BMPR2: variants seen among roughly 807,000 people sequenced by gnomAD.
The protein encoded by BMPR2 is bone morphogenetic protein receptor type-2.
Under a neutral mutation model 100.8 loss-of-function variants are expected in BMPR2, and 29 were observed. The ratio of observed to expected loss-of-function variants is 0.29; its 90% CI spans 0.21 to 0.39. The LOEUF is 0.39. Among genes scored for constraint, BMPR2 ranks in the 10% least tolerant of loss-of-function variants. The pLI is 1.00. For missense variants in BMPR2, 1,011 were observed against 1,274.5 expected (o/e 0.79, Z 3.15); for synonymous variants, 382 against 442.3 (o/e 0.86, Z 1.71).
At chr2:202,443,352 G>A (rs1009632951) in intron 1 of BMPR2, among the ~76,000 whole-genome samples, 2 of 150,724 alleles carry the variant, frequency 1.3e-5, no homozygotes, top group African/African-American at 5.0e-5. Flanking sequence ...AGAACATGTA[G>A]TAGTTCTATT....
chr2:202,392,844 T>C (rs1690577094), intron 1 of BMPR2, among the ~76,000 whole-genome samples: 1 of 151,894 alleles, frequency 6.6e-6, no homozygotes, highest in African/African-American at 2.4e-5. Flanking sequence ...AATACAAAAT[T>C]AGCCGGGCGT....
chr2:202,507,286 T>A (rs1335366228), intron 3 of BMPR2, among the ~76,000 whole-genome samples: 2 of 152,124 alleles, frequency 1.3e-5, no homozygotes, highest in African/African-American at 4.8e-5. Flanking sequence ...AGGTTATGAT[T>A]TTTAGGTTTT....
intron 6 of BMPR2, among the ~76,000 whole-genome samples, chr2:202,519,369 TA>T (rs1027832185): frequency 1.3e-5 from 2 of 151,032 alleles, no homozygotes; most frequent in East Asian, 3.9e-4. Flanking sequence ...TCTCAAAAAA[TA>T]AAAAAAAATA....
At chr2:202,534,926 A>C (rs1280261144) in intron 9 of BMPR2, among the ~76,000 whole-genome samples, 34 of 114,516 alleles carry the variant, frequency 3.0e-4, no homozygotes, top group Non-Finnish European at 4.9e-4. Context: ...TCCCTCCCGG[A>C]CGGGGCGGCT....
In BMPR2 at chr2:202,552,742, C is replaced by A. The variant is rs780256953; in HGVS notation, c.1440C>A (p.Ile480=). The stretch of plus-strand genomic sequence containing the variant: ...CAGTGAGGTCACTCAAGGAGACAAT[C>A]GAAGACTGTTGGGACCAGGATGCAG... The part of the protein sequence containing the change: ...SLAVRSLKET[I]EDCWDQDAEA... The change falls in exon 11 of 13, where the codon ATC becomes ATA. Residue 480 remains isoleucine, a synonymous_variant. Coordinates refer to ENST00000374580, the MANE Select transcript of BMPR2 (RefSeq NM_001204.7). 4 of 1,613,992 alleles carry A rather than the reference C, an allele frequency of 2.5e-6. No homozygotes were observed. Among genetic ancestry groups the A allele is most frequent in the South Asian group, 2.2e-5 (2 of 91,066 alleles).
In BMPR2 at chr2:202,530,807, T is replaced by C. The variant is rs149225691; in HGVS notation, c.981T>C (p.Pro327=). Residue 327 remains proline (P), a synonymous_variant, in exon 8 of 13, where the codon CCT becomes CCC. Coordinates refer to ENST00000374580, the MANE Select transcript of BMPR2 (RefSeq NM_001204.7). ...TELPRGDHYK[P]AISHRDLNSR... Reference sequence around the variant, plus strand: ...TTATCCAAACAGATCATTATAAACCTGCAATTTCCCATCGAGATTTAAACA... The same window carrying C: ...TTATCCAAACAGATCATTATAAACCCGCAATTTCCCATCGAGATTTAAACA... 8.9e-5 allele frequency: 143 copies of C among 1,612,338 alleles called. No homozygotes were observed. Among genetic ancestry groups the C allele is most frequent in the Middle Eastern group, 8.2e-4 (5 of 6,080 alleles).
rs1237754312 is a variant in BMPR2, at chr2:202,565,877, A to T, written c.*5931A>T. Reference sequence around the variant, plus strand: ...AACCTAGAAATTTATCTCATGGCAGATACATTTGAAAGTACTTCAGAAGAA... The same window carrying T: ...AACCTAGAAATTTATCTCATGGCAGTTACATTTGAAAGTACTTCAGAAGAA... On this transcript the variant is annotated 3_prime_UTR_variant, in exon 13 of 13. Transcript: ENST00000374580. 2.0e-5 allele frequency: 3 copies of T among 152,208 alleles called. No individual in the cohort carries two copies. Among genetic ancestry groups the T allele is most frequent in the Admixed American group, 6.5e-5 (1 of 15,284 alleles). 9.4% of individuals were successfully genotyped at this position (152,208 alleles called of 1,614,324 possible).
intron 1 of BMPR2, among the ~76,000 whole-genome samples, chr2:202,442,524 G>C (rs970857708): frequency 2.0e-5 from 3 of 150,110 alleles, no homozygotes; most frequent in Non-Finnish European, 4.4e-5. Context: ...CATGCACATT[G>C]TTATGCAACA....
chr2:202,471,919 T>A (rs1692446641), intron 3 of BMPR2, among the ~76,000 whole-genome samples: 1 of 151,496 alleles, frequency 6.6e-6, no homozygotes, highest in Admixed American at 6.6e-5. Context: ...AGATTGTGTG[T>A]GTGTGTGTGT....
At chr2:202,525,256 G>A (rs1687888666) in intron 7 of BMPR2, among the ~76,000 whole-genome samples, 1 of 151,944 alleles carries the variant, frequency 6.6e-6, no homozygotes, top group Non-Finnish European at 1.5e-5. Context: ...CTGTTCCCCA[G>A]GCTGGAGTGC....
intron 1 of BMPR2, among the ~76,000 whole-genome samples, chr2:202,459,721 A>T (rs1692188922): frequency 6.6e-6 from 1 of 152,242 alleles, no homozygotes; most frequent in Non-Finnish European, 1.5e-5. Flanking sequence ...TGCCAAAAGC[A>T]ATTGCAACAA....
intron 9 of BMPR2, among the ~76,000 whole-genome samples, chr2:202,537,272 T>C (rs147921489): frequency 6.6e-6 from 1 of 152,322 alleles, no homozygotes; most frequent in Admixed American, 6.5e-5. Flanking sequence ...AGGATTTTTG[T>C]TTTAGAAGCA....
chr2:202,509,484 T>TAA (rs1418863604), intron 3 of BMPR2, among the ~76,000 whole-genome samples: 1 of 151,886 alleles, frequency 6.6e-6, no homozygotes, highest in African/African-American at 2.4e-5. Flanking sequence ...AAAAGCTTGA[T>TAA]AAAATACACA....
At chr2:202,545,255 G>A (rs1276541427) in intron 10 of BMPR2, among the ~76,000 whole-genome samples, 1 of 4,112 alleles carries the variant, frequency 2.4e-4, no homozygotes, top group Non-Finnish European at 5.1e-4. Context: ...CATTTTTCAA[G>A]ATTTACTCAG....
At chr2:202,530,017 G>A (rs1416043532) in intron 7 of BMPR2, among the ~76,000 whole-genome samples, 1 of 152,066 alleles carries the variant, frequency 6.6e-6, no homozygotes, top group Non-Finnish European at 1.5e-5. Flanking sequence ...CTTATATTTG[G>A]TGAGAGGCTT....
chr2:202,532,951 TTTAA>T lies in BMPR2; in HGVS notation c.1276+226_1276+229del, dbSNP rs1688056019. Among the ~76,000 whole-genome samples, 1 of 152,268 alleles carries T rather than the reference TTTAA, an allele frequency of 6.6e-6. No individual in the cohort carries two copies. Among genetic ancestry groups the T allele is most frequent in the African/African-American group, 2.4e-5 (1 of 41,542 alleles). Reference sequence around the variant, plus strand: ...ACTCCAGGTTTTCATCTGAGTGAAATTTAATTAATTGCCAGTAATAGCTTATCTA... The same window carrying T: ...ACTCCAGGTTTTCATCTGAGTGAAATTTAATTGCCAGTAATAGCTTATCTA... On this transcript the variant is annotated intron_variant, in intron 9 of 12. Transcript: ENST00000374580. The surrounding 1 kb of genome is among the most constrained non-coding windows in gnomAD (Gnocchi z 4.1).
intron 10 of BMPR2, among the ~76,000 whole-genome samples, chr2:202,550,099 G>A (rs960817838): frequency 3.3e-5 from 5 of 152,140 alleles, no homozygotes; most frequent in African/African-American, 1.2e-4. Context: ...GCCAGGTACA[G>A]TGGCTCACGC....
Position 202,560,396 on chromosome 2 carries a change from A to G in BMPR2, c.*450A>G, listed in dbSNP as rs1688660290. 1 of 197,614 alleles carries G rather than the reference A, an allele frequency of 5.1e-6. No individual in the cohort carries two copies. The highest frequency in any genetic ancestry group is 2.4e-5 in the African/African-American group (1 of 41,992). The allele number at this position is 197,614 out of a possible 1,614,324, so 12.2% of individuals were successfully genotyped here. ...TGGGCACAAGCTAGTTTTTATGTTG[A>G]TACGTTCCTGAACATATTATCTTGT... On this transcript the variant is annotated 3_prime_UTR_variant, in exon 13 of 13. Coordinates refer to ENST00000374580, the MANE Select transcript of BMPR2 (RefSeq NM_001204.7).
At chr2:202,514,857 T>C (rs1687684621) in intron 4 of BMPR2, 31 bp from the exon 5 acceptor site, 1 of 1,535,520 alleles carries the variant, frequency 6.5e-7, no homozygotes, top group Non-Finnish European at 9.0e-7. Context: ...AAGAAAACCA[T>C]ATATTAGTAA....
Sources: allele counts gnomAD v4.1 joint callset (sites outside exome capture counted in the v4.1 genomes callset), GRCh38; gene constraint gnomAD v4.1.1; non-coding constraint Gnocchi (gnomAD v3.1); transcripts MANE v1.5; gene names NCBI Gene and HGNC (gene_info 2026-07-23, HGNC 2026-07-21).